Variants in SPATA20 observed in about 807,000 individuals in gnomAD.
SPATA20 encodes spermatogenesis associated 20.
In SPATA20, 74 loss-of-function variants were observed where a neutral mutation model predicts 98.9. The observed-to-expected ratio is 0.75, with a 90% CI of 0.62 to 0.91. The LOEUF (loss-of-function observed/expected upper bound fraction) is 0.91. SPATA20 is among the 40% of genes least tolerant of loss of function. SPATA20 has a pLI of 0.00. For synonymous variants in SPATA20, 430 were observed against 440.5 expected, an observed-to-expected ratio of 0.98 and a Z score of 0.30; for missense variants, 1,016 against 1,069.8, an observed-to-expected ratio of 0.95 and a Z score of 0.70.
Position 50,549,271 on chromosome 17 carries a change from C to T in SPATA20, c.661-15C>T, listed in dbSNP as rs1409777151. 1.2e-6 allele frequency: 2 copies of T among 1,606,914 alleles called. No individual in the cohort carries two copies. The highest frequency in any genetic ancestry group is 2.7e-5 in the African/African-American group (2 of 74,796). ...CCCCCTAGCTGACCTCCAGGTGTGC[C>T]CCCACCTCCCGCAGTGGAAACAGAA... is the stretch of plus-strand genomic sequence containing the variant. On this transcript the variant is annotated splice_polypyrimidine_tract_variant and intron_variant, in intron 6 of 16. Transcript: ENST00000006658.
chr17:50,550,902 C>T lies in SPATA20; in HGVS notation c.1368C>T (p.Asn456=). Residue 456 remains asparagine (N), a synonymous_variant, in exon 11 of 17, where the codon AAC becomes AAT. Transcript: ENST00000006658. The part of the protein sequence containing the change: ...MKHYGLTEAG[N]ISPSQDPKGE... ...ACTACGGCCTCACAGAGGCTGGTAA[C>T]ATCAGCCCCAGTCAGGTGAGGACTT... 6.2e-7 allele frequency: 1 copy of T among 1,613,004 alleles called. No individual in the cohort carries two copies. The highest frequency in any genetic ancestry group is 8.5e-7 in the Non-Finnish European group (1 of 1,179,944).
In SPATA20 at chr17:50,548,458, G is replaced by A. The variant is rs763244679; in HGVS notation, c.296+5G>A. On this transcript the variant is annotated splice_donor_5th_base_variant and intron_variant, in intron 3 of 16. Transcript: ENST00000006658. The stretch of plus-strand genomic sequence containing the variant: ...TGCCTACAATCCTGTGGACTGGTGA[G>A]CACCTCTCCTGGGGCCCTGCCTGGA... 4.6e-5 allele frequency: 74 copies of A among 1,613,858 alleles called. No homozygotes were observed. Among genetic ancestry groups the A allele is most frequent in the Non-Finnish European group, 6.0e-5 (71 of 1,179,890 alleles).
Position 50,548,945 on chromosome 17 carries a change from T to A in SPATA20, c.497T>A (p.Val166Glu), listed in dbSNP as rs1462419476. 1.2e-6 allele frequency: 2 copies of A among 1,614,044 alleles called. No homozygotes were observed. Among genetic ancestry groups the A allele is most frequent in the Non-Finnish European group, 8.5e-7 (1 of 1,179,974 alleles). The change falls in exon 5 of 17, where the codon GTG (valine) becomes GAG (glutamate). Residue 166 changes from valine (V) to glutamate (E), a missense_variant. Transcript: ENST00000006658. ...DREERPDVDK[V>E]YMTFVQATSS... ...GAGGAGCGGCCTGACGTGGACAAGG[T>A]GTACATGACGTTCGTGCAGGTGAGC...
rs140022114 is a variant in SPATA20 at position 50,549,057 on chromosome 17, C to T, written c.531C>T (p.Gly177=). 1.8e-5 allele frequency: 29 copies of T among 1,613,614 alleles called. No homozygotes were observed. In the African/African-American group the frequency reaches 2.0e-4, roughly 11 times the overall value. ...YMTFVQATSS[G]GGWPMNVWLT... ...CTCTCCGCCAGGCCACCAGCAGCGG[C>T]GGGGGCTGGCCCATGAATGTGTGGC... The change falls in exon 6 of 17, where the codon GGC becomes GGT. Residue 177 remains glycine, a synonymous_variant. Transcript: ENST00000006658.
At chr17:50,551,458 G>A in intron 12 of SPATA20, 53 bp from the exon 13 acceptor site, 1 of 1,556,506 alleles carries the variant, frequency 6.4e-7, no homozygotes, top group East Asian at 2.3e-5. Flanking sequence ...GGGTGGACAT[G>A]CCTGGAGGGT....
At chr17:50,552,742 T>A (rs144442775) in intron 14 of SPATA20, among the ~76,000 whole-genome samples, 2 of 148,836 alleles carry the variant, frequency 1.3e-5, no homozygotes, top group African/African-American at 4.9e-5. Context: ...TTTGTAGAGA[T>A]GGGATTTCTC....
In SPATA20 at chr17:50,551,162, G is replaced by A; in HGVS notation, c.1548G>A (p.Leu516=). The stretch of plus-strand genomic sequence containing the variant: ...GGAAGCATCGGCCCAAGCCGCACCT[G>A]GACAGCAAGATGCTGGCTGCCTGGA... ...QARKHRPKPH[L]DSKMLAAWNG... Residue 516 remains leucine, a synonymous_variant, in exon 12 of 17, where the codon CTG becomes CTA. Transcript: ENST00000006658. 1 of 1,610,176 alleles carries A rather than the reference G, an allele frequency of 6.2e-7. No individual in the cohort carries two copies. The highest frequency in any genetic ancestry group is 8.5e-7 in the Non-Finnish European group (1 of 1,179,152).
intron 16 of SPATA20, 40 bp downstream of exon 16, chr17:50,555,352 G>A (rs1567912809): frequency 1.2e-6 from 2 of 1,601,982 alleles, no homozygotes; most frequent in East Asian, 2.2e-5. Flanking sequence ...CCTCCCCAGA[G>A]CTGCCCCCTC....
At position 50,550,885 on chromosome 17, in the gene SPATA20, C is replaced by A; in HGVS notation, c.1351C>A (p.Leu451Ile). 6.2e-7 allele frequency: 1 copy of A among 1,613,132 alleles called. No homozygotes were observed. The highest frequency in any genetic ancestry group is 8.5e-7 in the Non-Finnish European group (1 of 1,180,018). Reference sequence around the variant, plus strand: ...CCAGCTCCTCATGAAGCACTACGGCCTCACAGAGGCTGGTAACATCAGCCC... The same window carrying A: ...CCAGCTCCTCATGAAGCACTACGGCATCACAGAGGCTGGTAACATCAGCCC... Reference protein sequence around the residue: ...SGQLLMKHYGLTEAGNISPSQ... With the variant: ...SGQLLMKHYGITEAGNISPSQ... Residue 451 changes from leucine to isoleucine, a missense_variant, in exon 11 of 17, where the codon CTC (leucine) becomes ATC (isoleucine). By Grantham distance (5) the Leu-to-Ile change is conservative (BLOSUM62 2). Transcript: ENST00000006658.
At chr17:50,555,190 C>T (rs2035092416) in intron 15 of SPATA20, 42 bp from the exon 16 acceptor site, 2 of 1,561,244 alleles carry the variant, frequency 1.3e-6, no homozygotes, top group Non-Finnish European at 1.8e-6. Context: ...GCTCAGCCCT[C>T]CCTCCCCTGA....
rs1400914818 is a variant in SPATA20, at chr17:50,550,905, C to G, written c.1371C>G (p.Ile457Met). Residue 457 changes from isoleucine to methionine, a missense_variant, in exon 11 of 17, where the codon ATC (isoleucine) becomes ATG (methionine). Physicochemically the swap from Ile to Met is conservative, Grantham distance 10 (BLOSUM62 1). Coordinates refer to ENST00000006658, the MANE Select transcript of SPATA20 (RefSeq NM_022827.4). Reference sequence around the variant, plus strand: ...ACGGCCTCACAGAGGCTGGTAACATCAGCCCCAGTCAGGTGAGGACTTCTG... The same window carrying G: ...ACGGCCTCACAGAGGCTGGTAACATGAGCCCCAGTCAGGTGAGGACTTCTG... ...KHYGLTEAGN[I>M]SPSQDPKGEL... 1.9e-6 allele frequency: 3 copies of G among 1,613,006 alleles called. No individual in the cohort carries two copies. The highest frequency in any genetic ancestry group is 2.5e-6 in the Non-Finnish European group (3 of 1,179,978).
rs369666444 is a variant in SPATA20, at chr17:50,554,031, T to C, written c.1958-220T>C. Reference sequence around the variant, plus strand: ...GAGGAGGGAGCCTGGAGACCAACAGTTGAGGCTAGGACAGGTAGAGTGGAG... The same window carrying C: ...GAGGAGGGAGCCTGGAGACCAACAGCTGAGGCTAGGACAGGTAGAGTGGAG... On this transcript the variant is annotated intron_variant, in intron 14 of 16. Transcript: ENST00000006658. Among the ~76,000 whole-genome samples, 106 of 152,246 alleles carry C rather than the reference T, an allele frequency of 7.0e-4. 1 individual carries two copies. In the East Asian group the frequency reaches 0.013, roughly 18 times the overall value.
At position 50,551,950 on chromosome 17, in the gene SPATA20, C is replaced by T. The variant is rs200903788; in HGVS notation, c.1746-19C>T. On this transcript the variant is annotated intron_variant, in intron 13 of 16. Coordinates refer to ENST00000006658, the MANE Select transcript of SPATA20 (RefSeq NM_022827.4). ...TCCTGGGGCTCTCCCCAGCCCCTCCCGTAATGCCTGTCCCCCAGCAACCCA... is the reference window on the plus strand; with the variant it reads ...TCCTGGGGCTCTCCCCAGCCCCTCCTGTAATGCCTGTCCCCCAGCAACCCA... The T allele has an allele frequency of 5.8e-6, 9 of 1,559,426 alleles. No individual in the cohort carries two copies. Among genetic ancestry groups the T allele is most frequent in the East Asian group, 4.8e-5 (2 of 41,894 alleles).
chr17:50,551,297 T>C lies in SPATA20; in HGVS notation c.1576+107T>C. 7 of 1,244,204 alleles carry C rather than the reference T, an allele frequency of 5.6e-6. No homozygotes were observed. In the African/African-American group the frequency reaches 6.1e-5, roughly 11 times the overall value. 77.1% of individuals were successfully genotyped at this position (1,244,204 alleles called of 1,614,324 possible). ...CTCACTCTCCCTTGATTAGCGTTAT[T>C]ATTCTCAGTTGACAAAAGAGGCTTA... On this transcript the variant is annotated intron_variant, in intron 12 of 16. Transcript: ENST00000006658.
In SPATA20 at chr17:50,549,294, G is replaced by A; in HGVS notation, c.669G>A (p.Gln223=). ...GCCCCCACCTCCCGCAGTGGAAACA[G>A]AACAAGAACACCCTGCTAGAAAATA... ...VLLRIREQWK[Q]NKNTLLENSQ... is the part of the protein sequence containing the mutation. Residue 223 remains glutamine, a synonymous_variant, in exon 7 of 17, where the codon CAG becomes CAA. Transcript: ENST00000006658. The A allele has an allele frequency of 1.2e-6, 2 of 1,611,614 alleles. No individual in the cohort carries two copies. The highest frequency in any genetic ancestry group is 2.2e-5 in the South Asian group (2 of 91,066).
At chr17:50,551,866 C>T (rs746142089) in intron 13 of SPATA20, 103 bp from the exon 14 acceptor site, 2 of 1,252,164 alleles carry the variant, frequency 1.6e-6, no homozygotes, top group Non-Finnish European at 2.2e-6. Context: ...CAAGAGGGTT[C>T]ATCTGGAGGG....
In SPATA20 at chr17:50,551,832, G is replaced by A. The variant is rs2035021310; in HGVS notation, c.1746-137G>A. On this transcript the variant is annotated intron_variant, in intron 13 of 16. Coordinates refer to ENST00000006658, the MANE Select transcript of SPATA20 (RefSeq NM_022827.4). Reference sequence around the variant, plus strand: ...TTCCCTGGGCCCATTTACTCATCTGGGAAGTGGGCTGATGGCACCTGCCCA... The same window carrying A: ...TTCCCTGGGCCCATTTACTCATCTGAGAAGTGGGCTGATGGCACCTGCCCA... 2.2e-5 allele frequency: 26 copies of A among 1,201,386 alleles called. No homozygotes were observed. In the South Asian group the frequency reaches 3.6e-4, roughly 17 times the overall value. 74.4% of individuals were successfully genotyped at this position (1,201,386 alleles called of 1,614,324 possible). A position where few individuals can be genotyped will look rare whatever the true frequency, so the allele number is the denominator to read the frequency against.
intron 13 of SPATA20, 102 bp downstream of exon 13, chr17:50,551,781 C>A: frequency 7.3e-7 from 1 of 1,368,282 alleles, no homozygotes; most frequent in Non-Finnish European, 9.9e-7. Flanking sequence ...CCTGGCTCTG[C>A]CAGGTGCTTG....
At chr17:50,548,167 T>A (rs777646816) in intron 2 of SPATA20, 116 bp from the exon 3 acceptor site, 1 of 1,493,778 alleles carries the variant, frequency 6.7e-7, no homozygotes, top group Non-Finnish European at 8.9e-7. Context: ...GAAAGGTGGG[T>A]TGGGCTGGGA....
Sources: allele counts gnomAD v4.1 joint callset (sites outside exome capture counted in the v4.1 genomes callset), GRCh38; gene constraint gnomAD v4.1.1; transcripts MANE v1.5; gene names NCBI Gene and HGNC (gene_info 2026-07-23, HGNC 2026-07-21).